Variants in DLG2 observed in about 807,000 individuals in gnomAD.
DLG2 encodes the protein disks large homolog 2.
Under a neutral mutation model 132.5 loss-of-function variants are expected in DLG2, and 45 were observed. The ratio of observed to expected loss-of-function variants is 0.34; its 90% confidence interval spans 0.27 to 0.44. The LOEUF is 0.44. Ranked by LOEUF, DLG2 falls within the 20% of genes least tolerant of loss-of-function variation. DLG2 has a pLI of 1.00. For missense variants in DLG2, 1,045 were observed against 1,196.9 expected (o/e 0.87, Z 1.87); for synonymous variants, 424 against 419.6 (o/e 1.01, Z -0.13).
chr11:84,058,375 G>C (rs949070841), intron 11 of DLG2, among the ~76,000 whole-genome samples: 2 of 151,620 alleles, frequency 1.3e-5, no homozygotes, highest in Non-Finnish European at 2.9e-5. Context: ...ATTAGTATGG[G>C]CCAGGTACAG....
intron 19 of DLG2, among the ~76,000 whole-genome samples, chr11:83,552,154 A>T (rs1441723074): frequency 1.3e-5 from 2 of 152,184 alleles, no homozygotes; most frequent in African/African-American, 4.8e-5. Flanking sequence ...AAATAGTATG[A>T]TAGGTTAGGA....
intron 9 of DLG2, among the ~76,000 whole-genome samples, chr11:84,139,776 A>G (rs181537280): frequency 1.3e-5 from 2 of 152,322 alleles, no homozygotes; most frequent in Admixed American, 1.3e-4. Context: ...AAAAATACAC[A>G]GAATTTAGTA....
At chr11:83,593,994 T>C (rs2097240269) in intron 19 of DLG2, among the ~76,000 whole-genome samples, 1 of 152,210 alleles carries the variant, frequency 6.6e-6, no homozygotes, top group African/African-American at 2.4e-5. Flanking sequence ...GTAAGTGTAA[T>C]AGCAAATAAA....
intron 6 of DLG2, among the ~76,000 whole-genome samples, chr11:84,703,863 T>C: frequency 8.7e-6 from 1 of 114,502 alleles, no homozygotes; most frequent in South Asian, 2.5e-4. Flanking sequence ...TGAAGATATA[T>C]ATATATATAT....
intron 6 of DLG2, among the ~76,000 whole-genome samples, chr11:84,895,552 G>T (rs1179740127): frequency 5.3e-5 from 8 of 152,108 alleles, no homozygotes. Context: ...CTACATCTAT[G>T]ACATCATTTC....
intron 3 of DLG2, among the ~76,000 whole-genome samples, chr11:85,357,480 A>G (rs2083797603): frequency 6.7e-6 from 1 of 148,240 alleles, no homozygotes; most frequent in South Asian, 2.2e-4. Flanking sequence ...GCGTGAGAAT[A>G]TCCTCTCTCC....
intron 6 of DLG2, among the ~76,000 whole-genome samples, chr11:84,538,333 C>T (rs1210693232): frequency 6.6e-6 from 1 of 152,152 alleles, no homozygotes; most frequent in East Asian, 1.9e-4. Context: ...CTATTGTGTC[C>T]CCATCCAAAT....
At chr11:83,524,114 T>C (rs1390924085) in intron 21 of DLG2, among the ~76,000 whole-genome samples, 1 of 152,190 alleles carries the variant, frequency 6.6e-6, no homozygotes, top group African/African-American at 2.4e-5. Context: ...GGGCAAAAGA[T>C]AGACTAATAT....
At chr11:85,374,242 C>G (rs1236485634) in intron 3 of DLG2, among the ~76,000 whole-genome samples, 1 of 152,022 alleles carries the variant, frequency 6.6e-6, no homozygotes, top group Non-Finnish European at 1.5e-5. Flanking sequence ...GTTACTAAAA[C>G]TTTCACCTGT....
intron 5 of DLG2, chr11:85,132,914 C>G: frequency 2.3e-6 from 1 of 440,464 alleles, no homozygotes; most frequent in East Asian, 7.0e-5. Flanking sequence ...TCTGTACAGA[C>G]GGCTTTTCCA....
intron 17 of DLG2, among the ~76,000 whole-genome samples, chr11:83,809,496 A>C (rs1278906991): frequency 6.6e-6 from 1 of 152,102 alleles, no homozygotes; most frequent in African/African-American, 2.4e-5. Context: ...TACTATAGAG[A>C]CCTGCTACAT....
intron 6 of DLG2, among the ~76,000 whole-genome samples, chr11:84,738,998 T>C (rs1475806172): frequency 1.3e-5 from 2 of 152,046 alleles, no homozygotes; most frequent in Non-Finnish European, 2.9e-5. Context: ...AATCAATATA[T>C]AGTGATATAA....
At chr11:84,074,669 T>C (rs1216605666) in intron 10 of DLG2, among the ~76,000 whole-genome samples, 2 of 151,588 alleles carry the variant, frequency 1.3e-5, no homozygotes, top group African/African-American at 2.4e-5. Context: ...GCTGGGACTA[T>C]AGGCGCCGGC....
intron 6 of DLG2, among the ~76,000 whole-genome samples, chr11:84,600,143 G>GGAAA (rs1352031668): frequency 2.8e-5 from 2 of 71,932 alleles, no homozygotes; most frequent in African/African-American, 5.7e-5. Context: ...AAAGAAAGAA[G>GGAAA]GAAAGAAAGA....
intron 25 of DLG2, among the ~76,000 whole-genome samples, chr11:83,467,264 G>A (rs189231334): frequency 6.6e-6 from 1 of 152,272 alleles, no homozygotes; most frequent in East Asian, 1.9e-4. Context: ...TTTAGTGCTA[G>A]GAGCATGCAA....
chr11:83,637,302 G>A (rs1432635628), intron 18 of DLG2, among the ~76,000 whole-genome samples: 1 of 152,066 alleles, frequency 6.6e-6, no homozygotes, highest in Non-Finnish European at 1.5e-5. Flanking sequence ...TCATAACACT[G>A]TCTTGATTCC....
At chr11:84,498,918 C>T (rs1027760998) in intron 7 of DLG2, among the ~76,000 whole-genome samples, 2 of 152,070 alleles carry the variant, frequency 1.3e-5, no homozygotes, top group East Asian at 1.9e-4. Flanking sequence ...GGTGTGAGGG[C>T]CAGGTACAGT....
chr11:84,474,057 A>C (rs972659522), intron 7 of DLG2, among the ~76,000 whole-genome samples: 2 of 152,094 alleles, frequency 1.3e-5, no homozygotes, highest in Admixed American at 6.6e-5. Context: ...CATACCTTCC[A>C]TGTGGGGTAT....
intron 17 of DLG2, among the ~76,000 whole-genome samples, chr11:83,800,244 C>T (rs1325073016): frequency 6.6e-6 from 1 of 152,162 alleles, no homozygotes; most frequent in African/African-American, 2.4e-5. Context: ...GCCCCTTCAT[C>T]TCTCTGGGCC....
Sources: gnomAD v4.1 joint callset for allele counts (sites outside exome capture counted in the v4.1 genomes callset) on GRCh38, gnomAD v4.1.1 for gene constraint, MANE v1.5 for transcripts, NCBI Gene and HGNC (gene_info 2026-07-23, HGNC 2026-07-21) for gene names.